HTR4: variants seen among roughly 807,000 people sequenced by gnomAD.
HTR4 encodes 5-hydroxytryptamine (serotonin) receptor 4, G protein-coupled.
In HTR4, 16 loss-of-function variants were observed where a neutral mutation model predicts 36.8. The ratio of observed to expected loss-of-function variants is 0.43; its 90% confidence interval spans 0.29 to 0.66. The LOEUF is 0.66. Among genes scored for constraint, HTR4 ranks in the 30% least tolerant of loss-of-function variants. The probability of loss-of-function intolerance (pLI) is 0.13; values close to 1 mark genes in which losing one functional copy is unlikely to be tolerated. For synonymous variants in HTR4, 189 were observed against 185.1 expected (o/e 1.02, Z -0.17); for missense variants, 438 against 490.9 (o/e 0.89, Z 1.02).
chr5:148,460,172 C>T (rs1755234955), intron 5 of HTR4, among the ~76,000 whole-genome samples: 1 of 150,602 alleles, frequency 6.6e-6, no homozygotes, highest in Admixed American at 6.6e-5. Context: ...AAAAAAAGTG[C>T]ACCACAAGTA....
rs2113718663 is a variant in HTR4, at chr5:148,483,095, A to T, written c.*108T>A. On this transcript the variant is annotated 3_prime_UTR_variant, in exon 7 of 7. Coordinates refer to ENST00000377888, the MANE Select transcript of HTR4 (RefSeq NM_000870.7). ...ACCGGGTTCCTGCACTGGCGGACGG[A>T]AAGCCTCAGGTGAAGAGAATACCGG... The T allele has an allele frequency of 4.6e-6, 7 of 1,536,020 alleles. No homozygotes were observed. The highest frequency in any genetic ancestry group is 6.2e-6 in the Non-Finnish European group (7 of 1,137,310).
chr5:148,650,156 C>T (rs1753992632), intron 1 of HTR4, among the ~76,000 whole-genome samples: 3 of 152,080 alleles, frequency 2.0e-5, no homozygotes, highest in African/African-American at 7.2e-5. Context: ...ATCCCCTCAG[C>T]CATTTATCCT....
rs984003323 is a variant in HTR4, at chr5:148,509,779, C to T, written c.753G>A (p.Met251Ile). 1.2e-6 allele frequency: 2 copies of T among 1,614,024 alleles called. No homozygotes were observed. Among genetic ancestry groups the T allele is most frequent in the African/African-American group, 1.3e-5 (1 of 75,024 alleles). Residue 251 changes from methionine (M) to isoleucine (I), a missense_variant, in exon 6 of 7, where the codon ATG becomes ATA. Transcript: ENST00000377888. ...TCTTGGCTGCTTTGGTCTCTGTCCTCATGCGATGAGTGCTATGCTGGTCTG... is the reference window on the plus strand; with the variant it reads ...TCTTGGCTGCTTTGGTCTCTGTCCTTATGCGATGAGTGCTATGCTGGTCTG... ...QSADQHSTHRMRTETKAAKTL... is the reference protein window; with the variant it reads ...QSADQHSTHRIRTETKAAKTL...
chr5:148,599,963 A>C (rs941028403), intron 2 of HTR4, among the ~76,000 whole-genome samples: 1 of 151,770 alleles, frequency 6.6e-6, no homozygotes, highest in Non-Finnish European at 1.5e-5. Context: ...GAGAAAAAGC[A>C]ATAATAAAAG....
intron 3 of HTR4, 56 bp from the exon 4 acceptor site, chr5:148,548,924 G>A (rs1759534369): frequency 1.6e-6 from 2 of 1,228,814 alleles, no homozygotes; most frequent in African/African-American, 3.0e-5. Flanking sequence ...GGGAAAAAGG[G>A]GAGGGAGAAG....
At chr5:148,538,082 A>AGGATTGGTTG (rs1581443103) in intron 4 of HTR4, among the ~76,000 whole-genome samples, 1 of 152,196 alleles carries the variant, frequency 6.6e-6, no homozygotes, top group East Asian at 1.9e-4. Flanking sequence ...CAACATACAC[A>AGGATTGGTTG]AACCAACAAA....
At chr5:148,494,683 G>A (rs1756608191) in intron 6 of HTR4, among the ~76,000 whole-genome samples, 1 of 152,182 alleles carries the variant, frequency 6.6e-6, no homozygotes, top group African/African-American at 2.4e-5. Flanking sequence ...CAGAGAGAAG[G>A]CACATATAGC....
intron 2 of HTR4, among the ~76,000 whole-genome samples, chr5:148,634,709 A>G (rs895680827): frequency 1.6e-4 from 24 of 152,166 alleles, no homozygotes; most frequent in Admixed American, 5.2e-4. Context: ...GTCCCTTACA[A>G]CTAATGTTTT....
At chr5:148,612,706 C>CA (rs1215897832) in intron 2 of HTR4, among the ~76,000 whole-genome samples, 1 of 145,798 alleles carries the variant, frequency 6.9e-6, no homozygotes, top group East Asian at 2.0e-4. Context: ...AATAGAGACA[C>CA]AAAAAAACCC....
intron 6 of HTR4, among the ~76,000 whole-genome samples, chr5:148,489,386 C>G (rs1756307996): frequency 6.6e-6 from 1 of 152,134 alleles, no homozygotes; most frequent in Admixed American, 6.5e-5. Flanking sequence ...CTTCATGGAA[C>G]AGGCATTCTC....
intron 2 of HTR4, among the ~76,000 whole-genome samples, chr5:148,579,916 C>T (rs1427695413): frequency 6.6e-6 from 1 of 151,978 alleles, no homozygotes; most frequent in Admixed American, 6.6e-5. Context: ...TCTGGCCTAC[C>T]TGGATAATTT....
chr5:148,455,002 C>T (rs919398837), intron 5 of HTR4, among the ~76,000 whole-genome samples: 12 of 152,128 alleles, frequency 7.9e-5, no homozygotes, highest in African/African-American at 2.7e-4. Context: ...GATGTTTGTG[C>T]AGGAGAAAAC....
intron 6 of HTR4, among the ~76,000 whole-genome samples, chr5:148,505,121 C>T (rs539780892): frequency 1.3e-5 from 2 of 152,216 alleles, no homozygotes; most frequent in South Asian, 2.1e-4. Flanking sequence ...CAAAAATCCT[C>T]AATAAAATAC....
intron 5 of HTR4, among the ~76,000 whole-genome samples, chr5:148,510,762 T>C (rs1027029444): frequency 6.6e-6 from 1 of 152,242 alleles, no homozygotes; most frequent in Non-Finnish European, 1.5e-5. Flanking sequence ...ACGTATTGAG[T>C]TCCCTGATGA....
chr5:148,546,694 A>G (rs1407037458), intron 4 of HTR4, among the ~76,000 whole-genome samples: 1 of 151,968 alleles, frequency 6.6e-6, no homozygotes, highest in African/African-American at 2.4e-5. Flanking sequence ...ACAGGCCTTG[A>G]GGTTACCTCA....
intron 6 of HTR4, among the ~76,000 whole-genome samples, chr5:148,488,666 T>C (rs1405615224): frequency 1.3e-5 from 2 of 152,162 alleles, no homozygotes; most frequent in Admixed American, 1.3e-4. Context: ...GAAAACTAAA[T>C]TGCAGAAAGC....
At position 148,650,557 on chromosome 5, in the gene HTR4, T is replaced by C. The variant is rs114047033; in HGVS notation, c.-48+3505A>G. Among the ~76,000 whole-genome samples the C allele has an allele frequency of 1.5e-3, 226 of 152,244 alleles. 1 individual carries two copies. The highest frequency in any genetic ancestry group is 5.1e-3 in the African/African-American group (213 of 41,552). On this transcript the variant is annotated intron_variant, in intron 1 of 6. Transcript: ENST00000377888. ...GAATCAAAGGGCAAACCAAGAAGAA[T>C]AAAGACAGAGTTTTTTTTAAAAAAA...
downstream of HTR4, among the ~76,000 whole-genome samples, chr5:148,473,303 A>AG (rs1755617338): frequency 6.8e-6 from 1 of 147,246 alleles, no homozygotes; most frequent in African/African-American, 2.5e-5. Context: ...CTCCATCTCA[A>AG]AAAAAAAAAA....
chr5:148,502,710 G>A (rs1756998071), intron 6 of HTR4, among the ~76,000 whole-genome samples: 1 of 152,170 alleles, frequency 6.6e-6, no homozygotes, highest in Non-Finnish European at 1.5e-5. Context: ...TAAAGGAGAA[G>A]TTTAAACCCA....
Sources: allele counts gnomAD v4.1 joint callset (sites outside exome capture counted in the v4.1 genomes callset), GRCh38; gene constraint gnomAD v4.1.1; transcripts MANE v1.5; gene names NCBI Gene and HGNC (gene_info 2026-07-23, HGNC 2026-07-21).